LOXL2: variants seen among roughly 807,000 people sequenced by gnomAD.
The protein encoded by LOXL2 is lysyl oxidase homolog 2.
LOXL2 carries 70 observed loss-of-function variants against 93.0 expected under a neutral mutation model. That is an observed-to-expected ratio of 0.75 (90% CI 0.62 to 0.92). The LOEUF is 0.92. Ranked by LOEUF, LOXL2 falls within the 40% of genes least tolerant of loss-of-function variation. The pLI, the probability that LOXL2 is intolerant of heterozygous loss-of-function variation, is 0.00. For synonymous variants in LOXL2, 438 were observed against 413.2 expected, an observed-to-expected ratio of 1.06 and a Z score of -0.73; for missense variants, 973 against 1,054.9, an observed-to-expected ratio of 0.92 and a Z score of 1.08.
chr8:23,298,970 A>C (rs774344402), intron 12 of LOXL2, 23 bp from the exon 13 acceptor site: 1 of 1,420,724 alleles, frequency 7.0e-7, no homozygotes, highest in Non-Finnish European at 1.0e-6. Context: ...AGGGCAGAGG[A>C]GGCTGCTTGT....
intron 1 of LOXL2, among the ~76,000 whole-genome samples, chr8:23,372,601 A>G (rs763623477): frequency 6.6e-6 from 1 of 152,244 alleles, no homozygotes; most frequent in Non-Finnish European, 1.5e-5. Flanking sequence ...TACATTAACC[A>G]GAGGGAAACT....
intron 1 of LOXL2, among the ~76,000 whole-genome samples, chr8:23,401,577 A>G (rs1800152004): frequency 6.6e-6 from 1 of 151,818 alleles, no homozygotes; most frequent in Non-Finnish European, 1.5e-5. Flanking sequence ...ATTCAGTGAG[A>G]AGCTTATGAG....
At chr8:23,319,806 G>A in intron 8 of LOXL2, 79 bp downstream of exon 8, 1 of 1,470,676 alleles carries the variant, frequency 6.8e-7, no homozygotes. Context: ...AGGGTACGTG[G>A]GAGAGGGGGG....
chr8:23,383,383 G>A (rs537239797), intron 1 of LOXL2, among the ~76,000 whole-genome samples: 6 of 152,080 alleles, frequency 3.9e-5, no homozygotes, highest in African/African-American at 1.2e-4. Context: ...ACACAGCATC[G>A]AATCAGTCAT....
At chr8:23,384,470 A>G (rs1161329745) in intron 1 of LOXL2, among the ~76,000 whole-genome samples, 1 of 152,222 alleles carries the variant, frequency 6.6e-6, no homozygotes, top group Non-Finnish European at 1.5e-5. Flanking sequence ...CAATTCCTCA[A>G]GTCTCACCTC....
At position 23,330,313 on chromosome 8, in the gene LOXL2, G is replaced by A. The variant is rs1344514555; in HGVS notation, c.967-1748C>T. On this transcript the variant is annotated intron_variant, in intron 5 of 13. Coordinates refer to ENST00000389131, the MANE Select transcript of LOXL2 (RefSeq NM_002318.3). ...TGCGCCACTGCATTCTGGCCTGGGC[G>A]AAAGAGCGAGACTCCGTCTCAAAAC... Among the ~76,000 whole-genome samples the A allele has an allele frequency of 7.2e-5, 11 of 152,050 alleles. No homozygotes were observed. The South Asian group carries it at 1.9e-3, about 26-fold the overall frequency.
intron 12 of LOXL2, among the ~76,000 whole-genome samples, chr8:23,300,819 A>G (rs183756451): frequency 1.3e-3 from 198 of 152,358 alleles, no homozygotes; most frequent in African/African-American, 4.6e-3. Context: ...GCCAGAATAC[A>G]GGGAGATACA....
intron 3 of LOXL2, among the ~76,000 whole-genome samples, chr8:23,355,839 G>A (rs1804188812): frequency 6.6e-6 from 1 of 151,556 alleles, no homozygotes; most frequent in African/African-American, 2.4e-5. Flanking sequence ...AAACTCCTGG[G>A]CTCAAGCAAT....
chr8:23,347,229 T>A (rs1421656486), intron 3 of LOXL2, among the ~76,000 whole-genome samples: 1 of 151,206 alleles, frequency 6.6e-6, no homozygotes, highest in Non-Finnish European at 1.5e-5. Flanking sequence ...TGGTGGTGCA[T>A]GCCTGTAATC....
At chr8:23,321,554 T>A (rs567407168) in intron 7 of LOXL2, among the ~76,000 whole-genome samples, 2 of 152,172 alleles carry the variant, frequency 1.3e-5, no homozygotes, top group African/African-American at 4.8e-5. Flanking sequence ...TGGGACCTCA[T>A]GGTCAGCCAG....
intron 1 of LOXL2, among the ~76,000 whole-genome samples, chr8:23,393,188 T>G (rs1800036457): frequency 6.6e-6 from 1 of 152,226 alleles, no homozygotes; most frequent in Admixed American, 6.5e-5. Context: ...CTGACTTCTT[T>G]GCAGAAATTG....
chr8:23,378,689 T>C (rs1804628590), intron 1 of LOXL2, among the ~76,000 whole-genome samples: 1 of 152,250 alleles, frequency 6.6e-6, no homozygotes, highest in South Asian at 2.1e-4. Flanking sequence ...TTTCATTCAT[T>C]TGATCTTCAA....
chr8:23,344,845 T>C (rs758110215), intron 3 of LOXL2, among the ~76,000 whole-genome samples: 3 of 152,296 alleles, frequency 2.0e-5, no homozygotes, highest in Non-Finnish European at 4.4e-5. Flanking sequence ...TCTTCTCTTC[T>C]TCTCCCTCCA....
chr8:23,369,385 G>T (rs147459882), intron 1 of LOXL2, among the ~76,000 whole-genome samples: 1 of 152,258 alleles, frequency 6.6e-6, no homozygotes, highest in African/African-American at 2.4e-5. Flanking sequence ...CGTGTGTCTT[G>T]TGGAGAAACA....
At chr8:23,316,325 C>G (rs970147080) in intron 9 of LOXL2, among the ~76,000 whole-genome samples, 3 of 152,182 alleles carry the variant, frequency 2.0e-5, no homozygotes, top group Admixed American at 1.3e-4. Flanking sequence ...ACCTGGGCCT[C>G]CCAATGGAGA....
At chr8:23,328,250 C>T in intron 6 of LOXL2, 132 bp downstream of exon 6, 2 of 895,046 alleles carry the variant, frequency 2.2e-6, no homozygotes, top group Non-Finnish European at 3.5e-6. Flanking sequence ...GCCTGGGATT[C>T]TCTCCCAGGC....
chr8:23,382,880 C>G (rs1231979296), intron 1 of LOXL2, among the ~76,000 whole-genome samples: 1 of 152,142 alleles, frequency 6.6e-6, no homozygotes, highest in Non-Finnish European at 1.5e-5. Flanking sequence ...TCTCTACGTG[C>G]TGCATCTGTT....
At chr8:23,349,589 T>C (rs1235984380) in intron 3 of LOXL2, among the ~76,000 whole-genome samples, 1 of 151,928 alleles carries the variant, frequency 6.6e-6, no homozygotes, top group Non-Finnish European at 1.5e-5. Flanking sequence ...ACGTTTGATT[T>C]CTTCTTTATT....
chr8:23,371,355 G>T, intron 1 of LOXL2, among the ~76,000 whole-genome samples: 1 of 152,186 alleles, frequency 6.6e-6, no homozygotes, highest in East Asian at 1.9e-4. Flanking sequence ...AGGAAGGAAT[G>T]AAGAGTATGA....
Sources: gnomAD v4.1 joint callset for allele counts (sites outside exome capture counted in the v4.1 genomes callset) on GRCh38, gnomAD v4.1.1 for gene constraint, MANE v1.5 for transcripts, NCBI Gene and HGNC (gene_info 2026-07-23, HGNC 2026-07-21) for gene names.